The following IGSF11 variants were observed in gnomAD, a reference collection of about 807,000 sequenced individuals.
IGSF11 encodes CXADR like 1.
In IGSF11, 22 loss-of-function variants were observed where a neutral mutation model predicts 41.0. That is an observed-to-expected ratio of 0.54 (90% CI 0.38 to 0.77). The LOEUF (loss-of-function observed/expected upper bound fraction) is 0.77, where lower values mean the gene tolerates loss of function less well. Ranked by LOEUF, IGSF11 falls within the 30% of genes least tolerant of loss-of-function variation. The pLI, the probability that IGSF11 is intolerant of heterozygous loss-of-function variation, is 0.00. For synonymous variants in IGSF11, 219 were observed against 201.3 expected (o/e 1.09, Z -0.74); for missense variants, 444 against 530.8 (o/e 0.84, Z 1.61).
chr3:119,045,292 G>A (rs932258703), intron 1 of IGSF11, among the ~76,000 whole-genome samples: 13 of 152,324 alleles, frequency 8.5e-5, no homozygotes, highest in East Asian at 3.9e-4. Context: ...TGCGTGCACC[G>A]TGCACGAGCC....
At chr3:119,056,518 T>A (rs1447371138) in intron 1 of IGSF11, among the ~76,000 whole-genome samples, 1 of 152,190 alleles carries the variant, frequency 6.6e-6, no homozygotes, top group African/African-American at 2.4e-5. Context: ...ACCAGATGGA[T>A]TCACAGCCGA....
chr3:119,034,449 C>CT, intron 1 of IGSF11, 82 bp downstream of exon 1: 2 of 1,315,844 alleles, frequency 1.5e-6, no homozygotes, highest in Non-Finnish European at 2.0e-6. Context: ...CAAGGAGGCT[C>CT]TTTGCCGTCC....
intron 1 of IGSF11, among the ~76,000 whole-genome samples, chr3:119,123,654 A>C (rs967173265): frequency 2.0e-5 from 3 of 152,238 alleles, no homozygotes; most frequent in African/African-American, 4.8e-5. Flanking sequence ...CAGGAAGCTC[A>C]GCACAGAGAG....
At chr3:119,067,039 A>G (rs1359938830) in intron 1 of IGSF11, among the ~76,000 whole-genome samples, 2 of 152,108 alleles carry the variant, frequency 1.3e-5, no homozygotes, top group African/African-American at 2.4e-5. Flanking sequence ...TGGCCCGAGC[A>G]TAACTGTCTG....
intron 1 of IGSF11, among the ~76,000 whole-genome samples, chr3:118,992,896 A>T (rs1935919704): frequency 6.6e-6 from 1 of 152,208 alleles, no homozygotes; most frequent in Non-Finnish European, 1.5e-5. Context: ...TACACAAGGG[A>T]TTTGTATCCA....
At chr3:118,971,818 A>AAT (rs937477004) in intron 1 of IGSF11, among the ~76,000 whole-genome samples, 2 of 151,060 alleles carry the variant, frequency 1.3e-5, no homozygotes, top group African/African-American at 4.9e-5. Flanking sequence ...AAAAAAAAAA[A>AAT]AGAAGAAACT....
intron 1 of IGSF11, among the ~76,000 whole-genome samples, chr3:119,075,426 G>A (rs2076477591): frequency 6.6e-6 from 1 of 152,196 alleles, no homozygotes; most frequent in Non-Finnish European, 1.5e-5. Context: ...CAATCCTACT[G>A]AAACTATTCC....
At chr3:119,133,212 A>G (rs915905727) in intron 1 of IGSF11, among the ~76,000 whole-genome samples, 1 of 152,236 alleles carries the variant, frequency 6.6e-6, no homozygotes, top group Non-Finnish European at 1.5e-5. Context: ...AAAATTACTA[A>G]GATCAGAGCA....
chr3:118,975,921 C>G (rs1305344614), intron 1 of IGSF11, among the ~76,000 whole-genome samples: 1 of 152,114 alleles, frequency 6.6e-6, no homozygotes, highest in African/African-American at 2.4e-5. Flanking sequence ...GTACTATGCT[C>G]ACTACCTGGG....
rs1943074223 is a variant in IGSF11 at position 118,934,187 on chromosome 3, A to C, written c.53-3912T>G. On this transcript the variant is annotated intron_variant, in intron 1 of 6. Transcript: ENST00000393775. ...ATCTATTCCTGCTCCATAGTCTTCA[A>C]TCTACTTCTGCCCCAATCATTTCTT... Among the ~76,000 whole-genome samples the C allele has an allele frequency of 3.3e-5, 5 of 152,280 alleles. No individual in the cohort carries two copies. The South Asian group carries it at 1.0e-3, about 32-fold the overall frequency.
At chr3:118,946,454 A>G (rs1232770923) in intron 1 of IGSF11, among the ~76,000 whole-genome samples, 1 of 151,966 alleles carries the variant, frequency 6.6e-6, no homozygotes, top group African/African-American at 2.4e-5. Context: ...CTTAAAAAAA[A>G]AAAAGAAGAA....
intron 4 of IGSF11, among the ~76,000 whole-genome samples, chr3:118,910,114 G>C (rs945288639): frequency 7.2e-5 from 11 of 152,072 alleles, no homozygotes; most frequent in African/African-American, 1.9e-4. Context: ...TCTGCTTTTA[G>C]GTTTAACTGG....
At chr3:119,018,017 A>G (rs971938401) in intron 1 of IGSF11, among the ~76,000 whole-genome samples, 2 of 152,044 alleles carry the variant, frequency 1.3e-5, no homozygotes, top group African/African-American at 4.8e-5. Flanking sequence ...CCTCTTTCCT[A>G]TCACCTACAC....
chr3:119,142,794 A>T (rs1465774186), intron 1 of IGSF11, among the ~76,000 whole-genome samples: 2 of 152,232 alleles, frequency 1.3e-5, no homozygotes, highest in African/African-American at 4.8e-5. Context: ...ACACTGATAC[A>T]TGACAATAAA....
intron 1 of IGSF11, among the ~76,000 whole-genome samples, chr3:118,956,087 T>G (rs1355748740): frequency 6.6e-6 from 1 of 152,200 alleles, no homozygotes; most frequent in Admixed American, 6.5e-5. Flanking sequence ...TGAAACCTCA[T>G]GAACCAACCT....
At chr3:118,948,046 G>A (rs1051129722) in intron 1 of IGSF11, 1 of 152,058 alleles carries the variant, frequency 6.6e-6, no homozygotes, top group Admixed American at 6.6e-5. Context: ...CTATGAACCA[G>A]CAATTCTATC....
At chr3:119,133,544 C>A (rs1275342974) in intron 1 of IGSF11, among the ~76,000 whole-genome samples, 1 of 152,126 alleles carries the variant, frequency 6.6e-6, no homozygotes, top group Non-Finnish European at 1.5e-5. Flanking sequence ...TCTGAATAGA[C>A]CAATAACAGG....
chr3:118,956,843 A>G (rs1240532663), intron 1 of IGSF11, among the ~76,000 whole-genome samples: 1 of 152,220 alleles, frequency 6.6e-6, no homozygotes, highest in Non-Finnish European at 1.5e-5. Context: ...CAGTGCTGAT[A>G]GACTCACTAG....
chr3:118,943,207 T>C (rs1248788179), intron 1 of IGSF11: 2 of 152,192 alleles, frequency 1.3e-5, no homozygotes, highest in Admixed American at 6.5e-5. Context: ...CTGCAGCATA[T>C]AGAGGGGAGC....
Sources: gnomAD v4.1 joint callset for allele counts (sites outside exome capture counted in the v4.1 genomes callset) on GRCh38, gnomAD v4.1.1 for gene constraint, MANE v1.5 for transcripts, NCBI Gene and HGNC (gene_info 2026-07-23, HGNC 2026-07-21) for gene names.